The following LAT2 variants were observed in gnomAD, a reference collection of about 807,000 sequenced individuals.
LAT2 encodes the protein linker for activation of T-cells family member 2.
In LAT2, 23 loss-of-function variants were observed where a neutral mutation model predicts 43.4. The observed-to-expected ratio is 0.53, with a 90% CI of 0.38 to 0.75. The LOEUF (loss-of-function observed/expected upper bound fraction) is 0.75, where lower values mean the gene tolerates loss of function less well. Among genes scored for constraint, LAT2 ranks in the 30% least tolerant of loss-of-function variants. The probability of loss-of-function intolerance (pLI) is 0.00; values close to 1 mark genes in which losing one functional copy is unlikely to be tolerated. For synonymous variants in LAT2, 128 were observed against 123.2 expected, an observed-to-expected ratio of 1.04 and a Z score of -0.26; for missense variants, 284 against 310.2, an observed-to-expected ratio of 0.92 and a Z score of 0.64.
At chr7:74,211,923 G>C (rs1193466222) in intron 1 of LAT2, among the ~76,000 whole-genome samples, 7 of 151,942 alleles carry the variant, frequency 4.6e-5, no homozygotes, top group African/African-American at 1.7e-4. Flanking sequence ...TCTGGGGGCA[G>C]ACACATGACT....
intron 13 of LAT2, among the ~76,000 whole-genome samples, chr7:74,226,776 G>A (rs542104343): frequency 7.9e-5 from 12 of 152,306 alleles, no homozygotes; most frequent in South Asian, 2.1e-4. Context: ...TGGGCAAGAC[G>A]CAGTGTTGCA....
At chr7:74,222,102 G>A (rs13245519) in intron 10 of LAT2, among the ~76,000 whole-genome samples, 1 of 151,778 alleles carries the variant, frequency 6.6e-6, no homozygotes, top group African/African-American at 2.4e-5. Flanking sequence ...GGGCAACTGA[G>A]AGGCCGGGTG....
In LAT2 at chr7:74,228,304, G is replaced by A. The variant is rs1344269094; in HGVS notation, c.*19-640G>A. 3.4e-5 allele frequency among the ~76,000 whole-genome samples: 5 copies of A among 146,822 alleles called. No homozygotes were observed. The South Asian group carries it at 6.5e-4, about 19-fold the overall frequency. ...ATCCTGGCTAACACAGTGAAACCCC[G>A]TCTCTACTAAAAATACAAAAAATTA... On this transcript the variant is annotated intron_variant, in intron 13 of 13. Coordinates refer to ENST00000460943, the MANE Select transcript of LAT2 (RefSeq NM_032464.3).
chr7:74,219,718 G>C (rs782254960), intron 4 of LAT2, 26 bp from the exon 5 acceptor site: 6 of 1,613,850 alleles, frequency 3.7e-6, no homozygotes, highest in Non-Finnish European at 5.1e-6. Context: ...CCAGGCCCAG[G>C]CTCAGCACAG....
intron 1 of LAT2, among the ~76,000 whole-genome samples, chr7:74,213,553 T>A (rs1177319478): frequency 4.6e-5 from 7 of 151,952 alleles, no homozygotes; most frequent in African/African-American, 1.7e-4. Context: ...GACTCCTGAT[T>A]AGCTGGGATC....
chr7:74,210,757 G>A (rs1448846183), intron 1 of LAT2, among the ~76,000 whole-genome samples: 1 of 152,112 alleles, frequency 6.6e-6, no homozygotes, highest in Admixed American at 6.6e-5. Flanking sequence ...AGACCAGCCT[G>A]AGCAACATAG....
At chr7:74,216,467 G>A (rs1563970146) in intron 3 of LAT2, among the ~76,000 whole-genome samples, 1 of 152,126 alleles carries the variant, frequency 6.6e-6, no homozygotes, top group African/African-American at 2.4e-5. Flanking sequence ...CAACTCTCGG[G>A]TTGAAGCGAT....
intron 10 of LAT2, 52 bp from the exon 11 acceptor site, chr7:74,223,672 G>GTCCT: frequency 6.5e-7 from 1 of 1,543,986 alleles, no homozygotes; most frequent in Non-Finnish European, 9.0e-7. Flanking sequence ...GGATGAGCCA[G>GTCCT]GCTTTGCAGG....
chr7:74,214,211 TGA>T (rs1443829190), intron 1 of LAT2, among the ~76,000 whole-genome samples: 20 of 99,158 alleles, frequency 2.0e-4, no homozygotes, highest in South Asian at 1.1e-3. Flanking sequence ...AAAATATATA[TGA>T]AAATATATAT....
chr7:74,214,760 T>A (rs1361440857), intron 1 of LAT2, 62 bp from the exon 2 acceptor site: 3 of 87,684 alleles, frequency 3.4e-5, no homozygotes, highest in Non-Finnish European at 5.7e-5. Context: ...TATATATATA[T>A]AAACATATAT....
rs41272156 is a variant in LAT2 at position 74,220,041 on chromosome 7, T to G, written c.227+33T>G. The G allele has an allele frequency of 6.6e-3, 10,569 of 1,610,644 alleles. 549 individuals carry two copies. In the African/African-American group the frequency reaches 0.11, roughly 17 times the overall value. ...ACAGTCCCCCAGGAAGTGACAAGAA[T>G]GAAAGTCCTGGAGGTCCTCACCTGG... On this transcript the variant is annotated intron_variant, in intron 6 of 13. Coordinates refer to ENST00000460943, the MANE Select transcript of LAT2 (RefSeq NM_032464.3). The surrounding 1 kb of genome is among the most constrained non-coding windows in gnomAD (Gnocchi z 4.5).
rs1554713838 is a variant in LAT2 at position 74,214,549 on chromosome 7, TATATATGAAA to T, written c.-218-266_-218-257del. Among the ~76,000 whole-genome samples, 7 of 4,808 alleles carry T rather than the reference TATATATGAAA, an allele frequency of 1.5e-3. 3 individuals are homozygous for T. Among genetic ancestry groups the T allele is most frequent in the African/African-American group, 5.0e-3 (4 of 806 alleles). 3.2% of individuals were successfully genotyped at this position (4,808 alleles called of 152,430 possible). ...AAATATATATATGAATATATATATATATATATGAAAATATATATATATGAAAATATATATA... is the reference window on the plus strand; with the variant it reads ...AAATATATATATGAATATATATATATATATATATATATGAAAATATATATA... On this transcript the variant is annotated intron_variant, in intron 1 of 13. Coordinates refer to ENST00000460943, the MANE Select transcript of LAT2 (RefSeq NM_032464.3).
chr7:74,211,742 C>G (rs1016148817), intron 1 of LAT2, among the ~76,000 whole-genome samples: 3 of 152,036 alleles, frequency 2.0e-5, no homozygotes, highest in Non-Finnish European at 4.4e-5. Flanking sequence ...CAGGTGTGAG[C>G]CACCGTGCCT....
At chr7:74,210,603 C>T (rs981722997) in intron 1 of LAT2, among the ~76,000 whole-genome samples, 3 of 152,038 alleles carry the variant, frequency 2.0e-5, no homozygotes, top group African/African-American at 7.2e-5. Context: ...CCGCCCGCCT[C>T]CCTCTCTCCC....
intron 2 of LAT2, 26 bp downstream of exon 2, chr7:74,215,036 G>A (rs1394848586): frequency 6.6e-6 from 1 of 151,832 alleles, no homozygotes; most frequent in Admixed American, 6.6e-5. Context: ...ATGTTTTGCT[G>A]AGGCCTGGTC....
intron 4 of LAT2, among the ~76,000 whole-genome samples, chr7:74,217,292 G>A (rs113587877): frequency 0.032 from 4,905 of 152,170 alleles, 274 homozygotes; most frequent in African/African-American, 0.11. Context: ...TGAGCTGGGC[G>A]TGGTGGTGGG....
At position 74,224,994 on chromosome 7, in the gene LAT2, G is replaced by A. The variant is rs115938696; in HGVS notation, c.*18+234G>A. 8.9e-4 allele frequency: 335 copies of A among 377,798 alleles called. 1 individual carries two copies. Among genetic ancestry groups the A allele is most frequent in the African/African-American group, 4.9e-3 (231 of 47,286 alleles). 23.4% of individuals were successfully genotyped at this position (377,798 alleles called of 1,614,324 possible). On this transcript the variant is annotated intron_variant, in intron 13 of 13. Transcript: ENST00000460943. ...CTTCAGGGGCAAAGAAGTGGGCACC[G>A]GGTGGGTCTCCCAACTCCACTGCAT...
intron 10 of LAT2, 105 bp from the exon 11 acceptor site, chr7:74,223,619 G>A: frequency 9.2e-7 from 1 of 1,081,986 alleles, no homozygotes; most frequent in South Asian, 1.3e-5. Flanking sequence ...CTAGGGCTTG[G>A]CGGAAGAGGT....
intron 1 of LAT2, among the ~76,000 whole-genome samples, chr7:74,213,194 C>T (rs1460152396): frequency 6.6e-6 from 1 of 152,012 alleles, no homozygotes; most frequent in African/African-American, 2.4e-5. Context: ...TCTCAGCTCA[C>T]TGCAACCTCC....
Sources: allele counts gnomAD v4.1 joint callset (sites outside exome capture counted in the v4.1 genomes callset), GRCh38; gene constraint gnomAD v4.1.1; non-coding constraint Gnocchi (gnomAD v3.1); transcripts MANE v1.5; gene names NCBI Gene and HGNC (gene_info 2026-07-23, HGNC 2026-07-21).